INTS1: variants seen among roughly 807,000 people sequenced by gnomAD.
INTS1 encodes the protein integrator complex subunit 1.
In INTS1, 137 loss-of-function variants were observed where a neutral mutation model predicts 241.6. The ratio of observed to expected loss-of-function variants is 0.57; its 90% CI spans 0.49 to 0.65. The LOEUF (loss-of-function observed/expected upper bound fraction) is 0.65. INTS1 is among the 30% of genes least tolerant of loss of function. INTS1 has a pLI of 0.00. For missense variants in INTS1, 3,073 were observed against 3,032.2 expected, an observed-to-expected ratio of 1.01 and a Z score of -0.32; for synonymous variants, 1,692 against 1,337.8, an observed-to-expected ratio of 1.26 and a Z score of -5.78.
chr7:1,476,136 G>T, intron 38 of INTS1, 65 bp from the exon 39 acceptor site: 1 of 1,526,044 alleles, frequency 6.6e-7, no homozygotes, highest in Non-Finnish European at 8.8e-7. Flanking sequence ...GGGTGGACGG[G>T]ACCAGGCGTG....
rs373660736 is a variant in INTS1 at position 1,478,889 on chromosome 7, C to T, written c.4330-4G>A. On this transcript the variant is annotated splice_region_variant and splice_polypyrimidine_tract_variant and intron_variant, in intron 31 of 47. Transcript: ENST00000404767. The stretch of plus-strand genomic sequence containing the variant: ...CGGTGTCCTGTGGCACACAGCGCTG[C>T]GGGGACAAAGTGGCACGTGGCTACC... The T allele has an allele frequency of 9.4e-6, 15 of 1,595,714 alleles. No individual in the cohort carries two copies. Among genetic ancestry groups the T allele is most frequent in the African/African-American group, 5.4e-5 (4 of 74,612 alleles).
At chr7:1,496,559 C>T (rs1445956525) in intron 11 of INTS1, among the ~76,000 whole-genome samples, 5 of 152,136 alleles carry the variant, frequency 3.3e-5, no homozygotes, top group Non-Finnish European at 7.4e-5. Context: ...TACACACACA[C>T]AAGCAGGGAT....
In INTS1 at chr7:1,471,572, GAGA is replaced by G. The variant is rs755648002; in HGVS notation, c.6251_6253del (p.Phe2084del). The G allele has an allele frequency of 2.5e-6, 4 of 1,612,020 alleles. No individual in the cohort carries two copies. The highest frequency in any genetic ancestry group is 3.4e-6 in the Non-Finnish European group (4 of 1,179,712). ...CTCCCTCAGCCCCATCCAGCTCACC[GAGA>G]AGAAGCTCAGGATCTCGGGTCTCCG... On this transcript the variant is annotated inframe_deletion and splice_region_variant, in exon 45 of 48. Coordinates refer to ENST00000404767, the MANE Select transcript of INTS1 (RefSeq NM_001080453.3).
chr7:1,485,480 C>A lies in INTS1; in HGVS notation c.2977-11G>T. Reference sequence around the variant, plus strand: ...CACCAGCGACAAACCCTGTGGCAGACACTCATGAGCTGGGCCGGCTTTCGG... The same window carrying A: ...CACCAGCGACAAACCCTGTGGCAGAAACTCATGAGCTGGGCCGGCTTTCGG... On this transcript the variant is annotated splice_polypyrimidine_tract_variant and intron_variant, in intron 22 of 47. Transcript: ENST00000404767. 6.2e-7 allele frequency: 1 copy of A among 1,610,938 alleles called. No individual in the cohort carries two copies. Among genetic ancestry groups the A allele is most frequent in the Non-Finnish European group, 8.5e-7 (1 of 1,179,616 alleles).
intron 16 of INTS1, 135 bp from the exon 17 acceptor site, chr7:1,489,817 C>A (rs1782461135): frequency 1.3e-5 from 8 of 622,344 alleles, no homozygotes. Context: ...TCCAGTGACA[C>A]CTGTCCAAGC....
Position 1,482,628 on chromosome 7 carries a change from G to A in INTS1, c.3621C>T (p.Asp1207=). The change falls in exon 27 of 48, where the codon GAC becomes GAT. Residue 1207 remains aspartate (D), a synonymous_variant. Coordinates refer to ENST00000404767, the MANE Select transcript of INTS1 (RefSeq NM_001080453.3). ...GAAGCAGCAGCGCCTCCTCCGATGT[G>A]TCCACCAGGAAGGCGGTGGGCAGTG... ...EKPLPTAFLV[D]TSEEALLLPD... The A allele has an allele frequency of 1.2e-6, 2 of 1,612,892 alleles. No individual in the cohort carries two copies. The highest frequency in any genetic ancestry group is 1.7e-6 in the Non-Finnish European group (2 of 1,179,868).
intron 26 of INTS1, chr7:1,483,044 T>A (rs1024182717): frequency 7.1e-6 from 2 of 281,870 alleles, no homozygotes; most frequent in African/African-American, 4.4e-5. Context: ...GCAAAGCCAC[T>A]GGGAAACCCC....
chr7:1,475,859 G>C, intron 39 of INTS1, 89 bp downstream of exon 39: 1 of 1,447,214 alleles, frequency 6.9e-7, no homozygotes, highest in Non-Finnish European at 9.2e-7. Flanking sequence ...AGCCGGCGAT[G>C]GCCATGTACA....
chr7:1,481,194 C>T lies in INTS1; in HGVS notation c.3850+148G>A. 1.9e-5 allele frequency: 18 copies of T among 947,370 alleles called. No individual in the cohort carries two copies. In the South Asian group the frequency reaches 2.2e-4, roughly 12 times the overall value. 58.7% of individuals were successfully genotyped at this position (947,370 alleles called of 1,614,324 possible). A position where few individuals can be genotyped will look rare whatever the true frequency, so the allele number is the denominator to read the frequency against. On this transcript the variant is annotated intron_variant, in intron 28 of 47. Transcript: ENST00000404767. The surrounding 1 kb of genome is among the most constrained non-coding windows in gnomAD (Gnocchi z 6.8). ...CTCCTGACTGTGCCAGCCTCACCAACCCACAGGTCTAAGCCTGCCCTCGAG... is the reference window on the plus strand; with the variant it reads ...CTCCTGACTGTGCCAGCCTCACCAATCCACAGGTCTAAGCCTGCCCTCGAG...
chr7:1,478,756 G>C lies in INTS1; in HGVS notation c.4459C>G (p.Gln1487Glu). 6.3e-7 allele frequency: 1 copy of C among 1,594,470 alleles called. No homozygotes were observed. The highest frequency in any genetic ancestry group is 8.5e-7 in the Non-Finnish European group (1 of 1,170,954). Residue 1487 changes from glutamine to glutamate, a missense_variant, in exon 32 of 48, where the codon CAG becomes GAG. Physicochemically the swap from Gln to Glu is conservative, Grantham distance 29. Transcript: ENST00000404767. ...CTGAGCCTGCGCCCGGCTGAGGCCT[G>C]GCTGGCAAGCATCCTGAGCTGTGCC... is the stretch of plus-strand genomic sequence containing the variant. Reference protein sequence around the residue: ...LRAQLRMLASQASAGRRLSDV... With the variant: ...LRAQLRMLASEASAGRRLSDV...
At chr7:1,475,793 G>A (rs188607280) in intron 39 of INTS1, among the ~76,000 whole-genome samples, 155 bp downstream of exon 39, 8 of 152,358 alleles carry the variant, frequency 5.3e-5, no homozygotes, top group Admixed American at 2.0e-4. Flanking sequence ...AAAACTCAAC[G>A]CAGACAAACC....
Position 1,485,351 on chromosome 7 carries a change from TC to T in INTS1, c.3094del (p.Asp1032ThrfsTer36). On this transcript the variant is annotated frameshift_variant, in exon 23 of 48. Coordinates refer to ENST00000404767, the MANE Select transcript of INTS1 (RefSeq NM_001080453.3). LOFTEE classifies it high-confidence loss of function. ...GTCGAACAGAGGCAGGCGAGGCAGG[TC>T]CCGCAGCAGCCACTGATAGCCCTGC... ...VLQGYQWLLR[D>X]LPRLPLFDSV... 1 of 1,610,904 alleles carries T rather than the reference TC, an allele frequency of 6.2e-7. No individual in the cohort carries two copies. Among genetic ancestry groups the T allele is most frequent in the Non-Finnish European group, 8.5e-7 (1 of 1,179,482 alleles).
intron 30 of INTS1, among the ~76,000 whole-genome samples, chr7:1,479,937 G>A (rs529134751): frequency 2.3e-3 from 354 of 152,352 alleles, no homozygotes; most frequent in Non-Finnish European, 4.0e-3. Context: ...GGGACCACCA[G>A]GCTCTCCATC....
At chr7:1,478,548 A>G (rs1300847528) in intron 32 of INTS1, 42 bp from the exon 33 acceptor site, 1 of 1,592,920 alleles carries the variant, frequency 6.3e-7, no homozygotes, top group East Asian at 2.3e-5. Flanking sequence ...TCCAGCCCTC[A>G]CCCCATCGGT....
In INTS1 at chr7:1,493,233, G is replaced by T. The variant is rs1782671315; in HGVS notation, c.2069-127C>A. 1 of 693,974 alleles carries T rather than the reference G, an allele frequency of 1.4e-6. No individual in the cohort carries two copies. Among genetic ancestry groups the T allele is most frequent in the Non-Finnish European group, 2.5e-6 (1 of 399,944 alleles). 43.0% of individuals were successfully genotyped at this position (693,974 alleles called of 1,614,324 possible). A position where few individuals can be genotyped will look rare whatever the true frequency, so the allele number is the denominator to read the frequency against. ...GGGGATGCCGCAGGGTGGGGCGCAGGCCTGAGCAGGAGAGCTGGGGGAAGC... is the reference window on the plus strand; with the variant it reads ...GGGGATGCCGCAGGGTGGGGCGCAGTCCTGAGCAGGAGAGCTGGGGGAAGC... On this transcript the variant is annotated intron_variant, in intron 15 of 47. Coordinates refer to ENST00000404767, the MANE Select transcript of INTS1 (RefSeq NM_001080453.3). The surrounding 1 kb of genome is among the most constrained non-coding windows in gnomAD (Gnocchi z 5.3).
chr7:1,500,506 T>G (rs981228406), intron 3 of INTS1, 140 bp from the exon 4 acceptor site: 14 of 951,220 alleles, frequency 1.5e-5, no homozygotes, highest in Non-Finnish European at 2.0e-5. Context: ...CTCAGCAAAG[T>G]TCCCACAGCG....
At position 1,474,778 on chromosome 7, in the gene INTS1, A is replaced by G; in HGVS notation, c.5563T>C (p.Leu1855=). The G allele has an allele frequency of 6.3e-7, 1 of 1,580,044 alleles. No homozygotes were observed. The highest frequency in any genetic ancestry group is 8.6e-7 in the Non-Finnish European group (1 of 1,165,466). ...CTGGCATCCGCCCCTCGGTTCTCCA[A>G]CGCCCGGGAGTCGCTGGTGTCCGCA... The part of the protein sequence containing the change: ...LLADTSDSRA[L]ENRGADASMA... The change falls in exon 40 of 48, where the codon TTG becomes CTG. Residue 1855 remains leucine (L), a synonymous_variant. Transcript: ENST00000404767.
At chr7:1,471,062 C>G (rs1402372593) in intron 46 of INTS1, 71 bp downstream of exon 46, 1 of 1,518,962 alleles carries the variant, frequency 6.6e-7, no homozygotes, top group African/African-American at 1.4e-5. Context: ...GGCCACCAGG[C>G]GGGTCAAGCG....
rs1289434111 is a variant in INTS1 at position 1,475,986 on chromosome 7, G to A, written c.5464C>T (p.Leu1822=). 3.2e-6 allele frequency: 5 copies of A among 1,545,148 alleles called. No individual in the cohort carries two copies. In the East Asian group the frequency reaches 9.8e-5, roughly 30 times the overall value. ...CTGCTGGCAGCCCCTTCGCTGTGCA[G>A]TAGGACCTCAGGCACGGGCACCCGC... The part of the protein sequence containing the change: ...ELRVPVPEVL[L]HSEGAASSSV... Residue 1822 remains leucine, a synonymous_variant, in exon 39 of 48, where the codon CTG becomes TTG. Coordinates refer to ENST00000404767, the MANE Select transcript of INTS1 (RefSeq NM_001080453.3).
Sources: allele counts gnomAD v4.1 joint callset (sites outside exome capture counted in the v4.1 genomes callset), GRCh38; gene constraint gnomAD v4.1.1; non-coding constraint Gnocchi (gnomAD v3.1); transcripts MANE v1.5; gene names NCBI Gene and HGNC (gene_info 2026-07-23, HGNC 2026-07-21).